The following ZNF804B variants were observed in gnomAD, a reference collection of about 807,000 sequenced individuals.
ZNF804B encodes zinc finger 804B.
In ZNF804B, 80 loss-of-function variants were observed where a neutral mutation model predicts 101.4. That is an observed-to-expected ratio of 0.79 (90% CI 0.66 to 0.95). ZNF804B has a LOEUF of 0.95. Among genes scored for constraint, ZNF804B ranks in the 40% least tolerant of loss-of-function variants. The probability of loss-of-function intolerance (pLI) is 0.00; values close to 1 mark genes in which losing one functional copy is unlikely to be tolerated. For missense variants in ZNF804B, 1,673 were observed against 1,561.9 expected (o/e 1.07, Z -1.20); for synonymous variants, 622 against 558.8 (o/e 1.11, Z -1.59).
chr7:89,016,979 T>C (rs530040901), intron 1 of ZNF804B, among the ~76,000 whole-genome samples: 1 of 152,214 alleles, frequency 6.6e-6, no homozygotes, highest in African/African-American at 2.4e-5. Context: ...CATGGAATGT[T>C]CTTTCATTTG....
rs1031190491 is a variant in ZNF804B, at chr7:89,336,854, T to G, written c.3872T>G (p.Phe1291Cys). The part of the protein sequence containing the change: ...ITLQPLPPTA[F>C]IPTLFGPHLN... ...CTTCAGCCTCTGCCCCCTACAGCATTTATTCCTACATTGTTTGGTCCTCAC... is the reference window on the plus strand; with the variant it reads ...CTTCAGCCTCTGCCCCCTACAGCATGTATTCCTACATTGTTTGGTCCTCAC... Residue 1291 changes from phenylalanine (F) to cysteine (C), a missense_variant, in exon 4 of 4, where the codon TTT becomes TGT. By Grantham distance (205) the Phe-to-Cys change is radical. Transcript: ENST00000333190. 2 of 1,613,992 alleles carry G rather than the reference T, an allele frequency of 1.2e-6. No individual in the cohort carries two copies. The highest frequency in any genetic ancestry group is 2.7e-5 in the African/African-American group (2 of 74,908).
At chr7:88,982,470 G>T (rs1332666920) in intron 1 of ZNF804B, among the ~76,000 whole-genome samples, 1 of 152,052 alleles carries the variant, frequency 6.6e-6, no homozygotes, top group Non-Finnish European at 1.5e-5. Flanking sequence ...AGAAATCCAT[G>T]ATTAGGGCAT....
rs183624163 is a variant in ZNF804B, at chr7:88,823,672, C to A, written c.108+63588C>A. Reference sequence around the variant, plus strand: ...ATTGGGTACCACCCTTCTCAGTCCCCAGGTACCATGAGCATGTGGCAAATT... The same window carrying A: ...ATTGGGTACCACCCTTCTCAGTCCCAAGGTACCATGAGCATGTGGCAAATT... On this transcript the variant is annotated intron_variant, in intron 1 of 3. Transcript: ENST00000333190. Among the ~76,000 whole-genome samples, 19 of 152,120 alleles carry A rather than the reference C, an allele frequency of 1.2e-4. No homozygotes were observed. In the East Asian group the frequency reaches 3.1e-3, roughly 25 times the overall value.
At chr7:89,182,988 A>C (rs2115587660) in intron 1 of ZNF804B, among the ~76,000 whole-genome samples, 1 of 152,332 alleles carries the variant, frequency 6.6e-6, no homozygotes, top group Non-Finnish European at 1.5e-5. Flanking sequence ...AAATGCAAGG[A>C]AGAAATTAAG....
intron 2 of ZNF804B, among the ~76,000 whole-genome samples, chr7:89,316,376 A>G (rs1166678418): frequency 6.6e-6 from 1 of 152,144 alleles, no homozygotes; most frequent in Non-Finnish European, 1.5e-5. Flanking sequence ...ATGGCAACCT[A>G]TAAATTTTGT....
intron 2 of ZNF804B, among the ~76,000 whole-genome samples, chr7:89,297,517 A>G (rs1400781584): frequency 1.3e-5 from 2 of 152,074 alleles, no homozygotes; most frequent in Non-Finnish European, 2.9e-5. Context: ...TGATAGGTAA[A>G]TCGTAATATA....
intron 1 of ZNF804B, among the ~76,000 whole-genome samples, chr7:88,777,753 G>A (rs1279774917): frequency 9.3e-5 from 14 of 150,746 alleles, no homozygotes. Flanking sequence ...GAGGCTGAGG[G>A]ACGAGAATAA....
At chr7:88,914,839 TTTGTG>T (rs1463366936) in intron 1 of ZNF804B, among the ~76,000 whole-genome samples, 1 of 152,162 alleles carries the variant, frequency 6.6e-6, no homozygotes, top group Non-Finnish European at 1.5e-5. Context: ...TATTAAGCAA[TTTGTG>T]TTGAGAAAGA....
At chr7:88,987,771 C>T (rs955753881) in intron 1 of ZNF804B, among the ~76,000 whole-genome samples, 13 of 152,030 alleles carry the variant, frequency 8.6e-5, no homozygotes, top group African/African-American at 3.1e-4. Context: ...CATTCCAAGT[C>T]TTCTCTTCTA....
intron 1 of ZNF804B, among the ~76,000 whole-genome samples, chr7:88,975,142 G>C (rs961248034): frequency 4.0e-5 from 6 of 151,114 alleles, no homozygotes; most frequent in Admixed American, 2.0e-4. Context: ...TACTCCATTG[G>C]GCATATGTAC....
intron 2 of ZNF804B, among the ~76,000 whole-genome samples, chr7:89,268,076 G>T (rs955913939): frequency 1.3e-5 from 2 of 151,914 alleles, no homozygotes; most frequent in African/African-American, 4.8e-5. Context: ...TGAACCTTTT[G>T]GACCAAAAGT....
At chr7:89,081,497 A>C (rs188682312) in intron 1 of ZNF804B, among the ~76,000 whole-genome samples, 2 of 151,914 alleles carry the variant, frequency 1.3e-5, no homozygotes, top group East Asian at 3.9e-4. Flanking sequence ...GCTGGTTTAG[A>C]TCCCCATTAT....
At chr7:89,028,909 T>C (rs777810413) in intron 1 of ZNF804B, among the ~76,000 whole-genome samples, 2 of 152,156 alleles carry the variant, frequency 1.3e-5, no homozygotes, top group Admixed American at 6.6e-5. Flanking sequence ...AAGCAATTGT[T>C]ATTATTATAT....
intron 1 of ZNF804B, among the ~76,000 whole-genome samples, chr7:89,069,634 A>G (rs1465999583): frequency 1.3e-5 from 2 of 152,140 alleles, no homozygotes; most frequent in African/African-American, 4.8e-5. Flanking sequence ...TGGCTGCACA[A>G]TATTCCATTT....
At chr7:89,269,580 G>C (rs1789851782) in intron 2 of ZNF804B, among the ~76,000 whole-genome samples, 1 of 152,176 alleles carries the variant, frequency 6.6e-6, no homozygotes, top group Non-Finnish European at 1.5e-5. Flanking sequence ...TATATACCCA[G>C]TAATGGGATG....
At chr7:89,006,443 A>T (rs1562857460) in intron 1 of ZNF804B, among the ~76,000 whole-genome samples, 1 of 152,138 alleles carries the variant, frequency 6.6e-6, no homozygotes, top group Non-Finnish European at 1.5e-5. Context: ...TATACAAACC[A>T]GTCTTGAAAC....
At chr7:89,134,920 G>C (rs1790606875) in intron 1 of ZNF804B, among the ~76,000 whole-genome samples, 1 of 151,864 alleles carries the variant, frequency 6.6e-6, no homozygotes, top group Non-Finnish European at 1.5e-5. Context: ...TAATGTGCCT[G>C]TTATTTTTGG....
chr7:89,056,981 A>G (rs892330147), intron 1 of ZNF804B, among the ~76,000 whole-genome samples: 1 of 152,104 alleles, frequency 6.6e-6, no homozygotes, highest in Non-Finnish European at 1.5e-5. Context: ...TGATTGGTCA[A>G]AGAGTGCAGG....
chr7:89,218,024 G>A (rs1011409024), intron 1 of ZNF804B, 131 bp from the exon 2 acceptor site: 3 of 837,910 alleles, frequency 3.6e-6, no homozygotes, highest in South Asian at 1.9e-5. Context: ...TATTCTCACA[G>A]TGTCATGAAT....
Sources: allele counts gnomAD v4.1 joint callset (sites outside exome capture counted in the v4.1 genomes callset), GRCh38; gene constraint gnomAD v4.1.1; transcripts MANE v1.5; gene names NCBI Gene and HGNC (gene_info 2026-07-23, HGNC 2026-07-21).